WDR7: variants seen among roughly 807,000 people sequenced by gnomAD.
The protein encoded by WDR7 is WD repeat-containing protein 7.
In WDR7, 46 loss-of-function variants were observed where a neutral mutation model predicts 169.4. The ratio of observed to expected loss-of-function variants is 0.27; its 90% CI spans 0.21 to 0.35. WDR7 has a LOEUF of 0.35. Among genes scored for constraint, WDR7 ranks in the 10% least tolerant of loss-of-function variants. The pLI is 1.00. For missense variants in WDR7, 1,534 were observed against 1,859.3 expected, an observed-to-expected ratio of 0.83 and a Z score of 3.22; for synonymous variants, 612 against 666.8, an observed-to-expected ratio of 0.92 and a Z score of 1.27.
At chr18:56,901,358 CT>C (rs2046398396) in intron 21 of WDR7, among the ~76,000 whole-genome samples, 1 of 152,158 alleles carries the variant, frequency 6.6e-6, no homozygotes, top group African/African-American at 2.4e-5. Flanking sequence ...GGGAAGTACT[CT>C]TATCATAGCT....
chr18:56,706,027 C>G (rs1476545834), intron 12 of WDR7, among the ~76,000 whole-genome samples: 1 of 151,964 alleles, frequency 6.6e-6, no homozygotes, highest in Admixed American at 6.5e-5. Flanking sequence ...AAATAATGAC[C>G]AACAGATCAG....
intron 14 of WDR7, among the ~76,000 whole-genome samples, chr18:56,740,865 T>A (rs1317745390): frequency 6.6e-6 from 1 of 152,138 alleles, no homozygotes; most frequent in Non-Finnish European, 1.5e-5. Context: ...CTGTTTTCTT[T>A]CCCTCCCTTC....
At chr18:56,793,221 G>A (rs545962557) in intron 19 of WDR7, among the ~76,000 whole-genome samples, 210 of 152,302 alleles carry the variant, frequency 1.4e-3, no homozygotes, top group Middle Eastern at 0.01. Flanking sequence ...ATTAAAATGT[G>A]ATAACCTATC....
Position 57,028,545 on chromosome 18 carries a change from C to A in WDR7, c.*1338C>A, listed in dbSNP as rs1034158401. On this transcript the variant is annotated 3_prime_UTR_variant, in exon 28 of 28. Coordinates refer to ENST00000254442, the MANE Select transcript of WDR7 (RefSeq NM_015285.3). ...GTTGGGCAAAATCATTTATTACATG[C>A]AAAAATAGAAAATTATTTGTTAAAT... 2 of 151,962 alleles carry A rather than the reference C, an allele frequency of 1.3e-5. No homozygotes were observed. The highest frequency in any genetic ancestry group is 4.2e-4 in the South Asian group (2 of 4,810). The allele number at this position is 151,962 out of a possible 1,614,324, so 9.4% of individuals were successfully genotyped here. A position where few individuals can be genotyped will look rare whatever the true frequency, so the allele number is the denominator to read the frequency against.
chr18:56,659,694 A>G (rs997132681), intron 1 of WDR7, among the ~76,000 whole-genome samples: 2 of 152,182 alleles, frequency 1.3e-5, no homozygotes, highest in African/African-American at 2.4e-5. Context: ...TCTGTTTAGT[A>G]TCTTTGAGCA....
chr18:56,746,203 T>A (rs2043700295), intron 14 of WDR7, among the ~76,000 whole-genome samples: 2 of 152,204 alleles, frequency 1.3e-5, no homozygotes, highest in Non-Finnish European at 2.9e-5. Context: ...GTCAGTTGAG[T>A]ACAACAGGTA....
chr18:56,689,303 C>T (rs1183945943), intron 7 of WDR7, among the ~76,000 whole-genome samples: 1 of 152,134 alleles, frequency 6.6e-6, no homozygotes, highest in African/African-American at 2.4e-5. Flanking sequence ...TGCTGTCGCC[C>T]AGGCTGGAGT....
chr18:56,661,058 G>A (rs1000882679), intron 1 of WDR7, among the ~76,000 whole-genome samples: 8 of 152,218 alleles, frequency 5.3e-5, no homozygotes, highest in Non-Finnish European at 7.3e-5. Flanking sequence ...CAAGACTAAT[G>A]TGACAATTCA....
chr18:56,805,022 G>GT (rs1309960796), intron 19 of WDR7, among the ~76,000 whole-genome samples: 1 of 151,998 alleles, frequency 6.6e-6, no homozygotes, highest in Non-Finnish European at 1.5e-5. Flanking sequence ...CAATTGGATG[G>GT]TTTCTGCCAA....
At chr18:56,829,394 T>C (rs1370249767) in intron 20 of WDR7, among the ~76,000 whole-genome samples, 1 of 152,114 alleles carries the variant, frequency 6.6e-6, no homozygotes, top group Admixed American at 6.6e-5. Flanking sequence ...GCATTTAGGC[T>C]GCAAAGTCCA....
At chr18:57,019,614 G>A (rs2048258540) in intron 26 of WDR7, among the ~76,000 whole-genome samples, 1 of 152,126 alleles carries the variant, frequency 6.6e-6, no homozygotes, top group African/African-American at 2.4e-5. Context: ...AAGGCAGCAA[G>A]GAATGTGCTT....
intron 7 of WDR7, among the ~76,000 whole-genome samples, chr18:56,689,614 T>C (rs1258517434): frequency 6.6e-6 from 1 of 152,208 alleles, no homozygotes; most frequent in Non-Finnish European, 1.5e-5. Flanking sequence ...TTATTTTGTA[T>C]AAATTGTGAG....
intron 20 of WDR7, among the ~76,000 whole-genome samples, chr18:56,863,196 G>A (rs1481135120): frequency 6.6e-6 from 1 of 151,682 alleles, no homozygotes; most frequent in African/African-American, 2.4e-5. Flanking sequence ...TGTTAGAGAG[G>A]ACAAATAAAA....
At chr18:56,762,088 T>C (rs1345248748) in intron 16 of WDR7, among the ~76,000 whole-genome samples, 2 of 152,130 alleles carry the variant, frequency 1.3e-5, no homozygotes, top group Non-Finnish European at 2.9e-5. Context: ...CTGTATTGAT[T>C]GAGATGATTG....
chr18:56,822,924 TAAA>T (rs139894268), intron 20 of WDR7, among the ~76,000 whole-genome samples: 1 of 152,050 alleles, frequency 6.6e-6, no homozygotes, highest in Non-Finnish European at 1.5e-5. Flanking sequence ...TGTCCTTTTT[TAAA>T]AAAAATCTGG....
At chr18:56,939,250 T>A in intron 24 of WDR7, 61 bp from the exon 25 acceptor site, 1 of 1,301,130 alleles carries the variant, frequency 7.7e-7, no homozygotes, top group South Asian at 1.6e-5. Flanking sequence ...AAATTAATCA[T>A]TTACATTTTG....
rs199888025 is a variant in WDR7 at position 56,694,325 on chromosome 18, CAT to C, written c.967-293_967-292del. Among the ~76,000 whole-genome samples, 425 of 91,248 alleles carry C rather than the reference CAT, an allele frequency of 4.7e-3. 4 individuals carry two copies. In the East Asian group the frequency reaches 0.052, roughly 11 times the overall value. 59.9% of individuals were successfully genotyped at this position (91,248 alleles called of 152,430 possible). ...GTTAAATTGCATTATTGTGGCTACA[CAT>C]GAGTTATTATAAAGTGGTGAAAAGT... On this transcript the variant is annotated intron_variant, in intron 9 of 27. Coordinates refer to ENST00000254442, the MANE Select transcript of WDR7 (RefSeq NM_015285.3).
intron 21 of WDR7, among the ~76,000 whole-genome samples, chr18:56,914,594 G>T (rs1040842488): frequency 6.6e-6 from 1 of 152,118 alleles, no homozygotes. Flanking sequence ...CCGCTTTTGG[G>T]AAGGGGATAT....
intron 20 of WDR7, among the ~76,000 whole-genome samples, chr18:56,855,927 G>A (rs1415051422): frequency 6.6e-6 from 1 of 152,120 alleles, no homozygotes; most frequent in African/African-American, 2.4e-5. Flanking sequence ...CTCTTTGTAA[G>A]TAAATGTGTC....
Sources: allele counts gnomAD v4.1 joint callset (sites outside exome capture counted in the v4.1 genomes callset), GRCh38; gene constraint gnomAD v4.1.1; transcripts MANE v1.5; gene names NCBI Gene and HGNC (gene_info 2026-07-23, HGNC 2026-07-21).